KIAA1328: variants seen among roughly 807,000 people sequenced by gnomAD.
The protein encoded by KIAA1328 is KIAA1328.
KIAA1328 carries 52 observed loss-of-function variants against 68.1 expected under a neutral mutation model. That is an observed-to-expected ratio of 0.76 (90% CI 0.61 to 0.96). KIAA1328 has a LOEUF of 0.96. KIAA1328 is among the 40% of genes least tolerant of loss of function. KIAA1328 has a pLI of 0.00. For synonymous variants in KIAA1328, 232 were observed against 239.4 expected (o/e 0.97, Z 0.28); for missense variants, 641 against 677.6 (o/e 0.95, Z 0.60).
chr18:36,882,811 T>G (rs984373515), intron 4 of KIAA1328, among the ~76,000 whole-genome samples: 2 of 152,198 alleles, frequency 1.3e-5, no homozygotes, highest in African/African-American at 4.8e-5. Context: ...AGAGATAATC[T>G]GTGCATTTAC....
At chr18:37,155,068 A>G (rs1372584773) in intron 7 of KIAA1328, among the ~76,000 whole-genome samples, 1 of 152,050 alleles carries the variant, frequency 6.6e-6, no homozygotes, top group Non-Finnish European at 1.5e-5. Context: ...GATGATTTCT[A>G]TTTCTGTTAG....
chr18:36,964,891 CT>C (rs78746926), intron 6 of KIAA1328, among the ~76,000 whole-genome samples: 20,599 of 144,628 alleles, frequency 0.14, 1,679 homozygotes, highest in Admixed American at 0.19. Flanking sequence ...TGTGTTACTT[CT>C]TTTTTTTTTT....
chr18:37,173,212 A>G, intron 9 of KIAA1328, 131 bp downstream of exon 9: 1 of 644,594 alleles, frequency 1.6e-6, no homozygotes, highest in Non-Finnish European at 2.5e-6. Flanking sequence ...CCTTCTTTTG[A>G]AGCATCTAGA....
intron 7 of KIAA1328, among the ~76,000 whole-genome samples, chr18:37,100,034 G>T (rs558756371): frequency 1.3e-5 from 2 of 152,252 alleles, no homozygotes; most frequent in South Asian, 2.1e-4. Flanking sequence ...TATCCAATTT[G>T]CCAGTCTGTG....
At chr18:36,946,831 A>G (rs2050922313) in intron 5 of KIAA1328, among the ~76,000 whole-genome samples, 1 of 152,212 alleles carries the variant, frequency 6.6e-6, no homozygotes, top group South Asian at 2.1e-4. Flanking sequence ...GAAATAGGTG[A>G]TGATAGTATC....
At chr18:36,875,845 G>A (rs189256237) in intron 4 of KIAA1328, among the ~76,000 whole-genome samples, 1 of 152,124 alleles carries the variant, frequency 6.6e-6, no homozygotes, top group East Asian at 1.9e-4. Flanking sequence ...ACATTCCATC[G>A]GTACCTAGTG....
In KIAA1328 at chr18:36,912,430, T is replaced by A. The variant is rs796268675; in HGVS notation, c.448+26758T>A. Among the ~76,000 whole-genome samples the A allele has an allele frequency of 4.6e-3, 699 of 152,300 alleles. 6 individuals are homozygous for A. Among genetic ancestry groups the A allele is most frequent in the South Asian group, 0.031 (149 of 4,820 alleles). ...TTCTGACTCTCTTTTTCTTCTCTAT[T>A]ATAAGGACTCCTGTAATTACATTGG... On this transcript the variant is annotated intron_variant, in intron 5 of 9. Coordinates refer to ENST00000280020, the MANE Select transcript of KIAA1328 (RefSeq NM_020776.3).
intron 7 of KIAA1328, among the ~76,000 whole-genome samples, chr18:37,099,300 A>C (rs1011246119): frequency 5.3e-5 from 8 of 152,210 alleles, no homozygotes; most frequent in South Asian, 2.1e-4. Flanking sequence ...GTTTCAAAGA[A>C]CATCTTTATT....
chr18:36,938,092 T>C (rs757618584), intron 5 of KIAA1328, among the ~76,000 whole-genome samples: 20 of 152,224 alleles, frequency 1.3e-4, no homozygotes, highest in Admixed American at 2.0e-4. Context: ...AGCACACTGA[T>C]TGCAGTTCCT....
intron 9 of KIAA1328, among the ~76,000 whole-genome samples, chr18:37,214,045 A>G (rs1352842390): frequency 1.3e-5 from 2 of 152,158 alleles, no homozygotes; most frequent in Non-Finnish European, 2.9e-5. Flanking sequence ...GATTCTGGAT[A>G]TTAGCCCTTT....
At chr18:37,009,150 T>C (rs902437964) in intron 6 of KIAA1328, among the ~76,000 whole-genome samples, 1 of 152,124 alleles carries the variant, frequency 6.6e-6, no homozygotes, top group Non-Finnish European at 1.5e-5. Context: ...GAGTAGGAGA[T>C]TGTCTTGAAA....
chr18:37,100,551 G>C (rs901308267), intron 7 of KIAA1328, among the ~76,000 whole-genome samples: 2 of 152,220 alleles, frequency 1.3e-5, no homozygotes, highest in African/African-American at 2.4e-5. Context: ...GCCCACCGCA[G>C]CTCAAGAAGA....
chr18:36,966,179 C>T (rs1373392555), intron 6 of KIAA1328, among the ~76,000 whole-genome samples: 1 of 152,102 alleles, frequency 6.6e-6, no homozygotes, highest in African/African-American at 2.4e-5. Flanking sequence ...AATCATTCTT[C>T]AAAACTGAAG....
chr18:36,943,630 A>C (rs752258253), intron 5 of KIAA1328, among the ~76,000 whole-genome samples: 41 of 152,216 alleles, frequency 2.7e-4, no homozygotes, highest in Non-Finnish European at 4.9e-4. Context: ...GGTGGTATAG[A>C]TAGAACTAGA....
chr18:37,222,433 G>A lies in KIAA1328; in HGVS notation c.*206G>A, dbSNP rs2060581921. 4.3e-6 allele frequency: 6 copies of A among 1,411,250 alleles called. No individual in the cohort carries two copies. The highest frequency in any genetic ancestry group is 2.6e-5 in the East Asian group (1 of 38,060). The allele number at this position is 1,411,250 out of a possible 1,614,324, so 87.4% of individuals were successfully genotyped here. A position where few individuals can be genotyped will look rare whatever the true frequency, so the allele number is the denominator to read the frequency against. On this transcript the variant is annotated 3_prime_UTR_variant, in exon 10 of 10. Coordinates refer to ENST00000280020, the MANE Select transcript of KIAA1328 (RefSeq NM_020776.3). ...AGGCATTCGATAACACACTAAGGGG[G>A]TAGGAATGGAAGATGGTATCTTTTA...
chr18:37,112,188 C>A (rs149782007), intron 7 of KIAA1328, among the ~76,000 whole-genome samples: 14 of 152,172 alleles, frequency 9.2e-5, no homozygotes, highest in Non-Finnish European at 2.1e-4. Context: ...TCTCCCAGCA[C>A]GGAGTTTGAG....
chr18:37,100,784 C>T (rs527619692), intron 7 of KIAA1328, among the ~76,000 whole-genome samples: 6 of 152,078 alleles, frequency 3.9e-5, no homozygotes, highest in Non-Finnish European at 7.4e-5. Flanking sequence ...AGGGGCAGAC[C>T]GACACCTCAC....
chr18:36,959,992 C>G (rs963018955), intron 6 of KIAA1328, among the ~76,000 whole-genome samples: 4 of 152,160 alleles, frequency 2.6e-5, no homozygotes, highest in Admixed American at 6.5e-5. Flanking sequence ...AGAACCCTGC[C>G]AGATGTGATG....
intron 6 of KIAA1328, among the ~76,000 whole-genome samples, chr18:37,059,990 A>G (rs942886748): frequency 4.0e-5 from 6 of 150,044 alleles, no homozygotes; most frequent in African/African-American, 1.5e-4. Flanking sequence ...GGGGAACATC[A>G]CACACTGGGG....
Sources: allele counts gnomAD v4.1 joint callset (sites outside exome capture counted in the v4.1 genomes callset), GRCh38; gene constraint gnomAD v4.1.1; transcripts MANE v1.5; gene names NCBI Gene and HGNC (gene_info 2026-07-23, HGNC 2026-07-21).